Variants in POU6F2 observed in about 807,000 individuals in gnomAD.
The protein encoded by POU6F2 is POU class 6 homeobox 2.
POU6F2 carries 31 observed loss-of-function variants against 71.3 expected under a neutral mutation model. That is an observed-to-expected ratio of 0.43 (90% CI 0.33 to 0.59). POU6F2 has a LOEUF of 0.59. Ranked by LOEUF, POU6F2 falls within the 20% of genes least tolerant of loss-of-function variation. The pLI is 0.04. For synonymous variants in POU6F2, 347 were observed against 355.7 expected (o/e 0.98, Z 0.27); for missense variants, 783 against 856.8 (o/e 0.91, Z 1.07).
At chr7:39,085,820 CT>C (rs748372913) in intron 1 of POU6F2, 39 bp from the exon 2 acceptor site, 72 of 1,555,406 alleles carry the variant, frequency 4.6e-5, no homozygotes, top group East Asian at 1.2e-4. Flanking sequence ...AAATCTGCCA[CT>C]TTTTTTTTCC....
chr7:39,401,154 C>A (rs546974000), intron 5 of POU6F2, among the ~76,000 whole-genome samples: 1 of 152,322 alleles, frequency 6.6e-6, no homozygotes, highest in South Asian at 2.1e-4. Context: ...GGACTCCTTT[C>A]CACCTGGCTG....
intron 2 of POU6F2, among the ~76,000 whole-genome samples, chr7:39,197,895 G>A (rs957022754): frequency 2.6e-5 from 4 of 152,226 alleles, no homozygotes; most frequent in Admixed American, 2.0e-4. Context: ...ATGAAGGCCT[G>A]GAGCTGGCCT....
At chr7:39,354,226 G>A (rs545878643) in intron 5 of POU6F2, among the ~76,000 whole-genome samples, 2 of 152,344 alleles carry the variant, frequency 1.3e-5, no homozygotes, top group African/African-American at 4.8e-5. Flanking sequence ...AATCTCAGCC[G>A]GGCGGGCCTG....
At chr7:39,388,000 C>T (rs1206633400) in intron 5 of POU6F2, among the ~76,000 whole-genome samples, 1 of 152,214 alleles carries the variant, frequency 6.6e-6, no homozygotes, top group Non-Finnish European at 1.5e-5. Flanking sequence ...TAAAGGGACA[C>T]CAGCATCAGT....
chr7:39,312,534 A>G (rs1404823143), intron 4 of POU6F2, among the ~76,000 whole-genome samples: 1 of 152,234 alleles, frequency 6.6e-6, no homozygotes, highest in African/African-American at 2.4e-5. Flanking sequence ...TGTGGGGAAC[A>G]CATTCCAAGA....
intron 4 of POU6F2, among the ~76,000 whole-genome samples, chr7:39,304,467 G>A (rs895127938): frequency 2.0e-5 from 3 of 152,116 alleles, no homozygotes; most frequent in African/African-American, 4.8e-5. Flanking sequence ...ACAGAAGTAT[G>A]TGTATCACAA....
rs377640992 is a variant in POU6F2, at chr7:38,995,706, T to A, written c.105+17648T>A. On this transcript the variant is annotated intron_variant, in intron 1 of 9. Transcript: ENST00000518318. ...CATCACCTTTTATAGCTTTTATACC[T>A]TGCACAACTTAGCTCCTCTGTGTTT... Among the ~76,000 whole-genome samples, 23 of 152,302 alleles carry A rather than the reference T, an allele frequency of 1.5e-4. No homozygotes were observed. In the East Asian group the frequency reaches 3.9e-3, roughly 26 times the overall value.
At position 39,114,265 on chromosome 7, in the gene POU6F2, T is replaced by G. The variant is rs139948622; in HGVS notation, c.277+28234T>G. 7.0e-3 allele frequency among the ~76,000 whole-genome samples: 1,062 copies of G among 152,312 alleles called. 27 individuals are homozygous for G. Among genetic ancestry groups the G allele is most frequent in the Admixed American group, 0.039 (602 of 15,290 alleles). ...GTAGTCATGATCATCACTTTTCAAC[T>G]GATAGTAAAAATCTTATCCATCTCA... is the stretch of plus-strand genomic sequence containing the variant. On this transcript the variant is annotated intron_variant, in intron 2 of 9. Transcript: ENST00000518318.
intron 4 of POU6F2, among the ~76,000 whole-genome samples, chr7:39,285,965 G>T (rs374900415): frequency 2.6e-5 from 4 of 152,214 alleles, no homozygotes; most frequent in Non-Finnish European, 5.9e-5. Context: ...ACGTTGATTC[G>T]CAATAAATGC....
intron 1 of POU6F2, among the ~76,000 whole-genome samples, chr7:39,076,666 T>C (rs1487692508): frequency 6.6e-6 from 1 of 152,124 alleles, no homozygotes; most frequent in African/African-American, 2.4e-5. Context: ...AGACTCCATG[T>C]AAAATAGATG....
chr7:39,401,879 T>A (rs1787312288), intron 5 of POU6F2, among the ~76,000 whole-genome samples: 1 of 152,190 alleles, frequency 6.6e-6, no homozygotes, highest in Admixed American at 6.5e-5. Flanking sequence ...GAACTATAGA[T>A]CATGGGCAAT....
chr7:39,417,181 G>A (rs1331300745), intron 6 of POU6F2, among the ~76,000 whole-genome samples: 1 of 152,184 alleles, frequency 6.6e-6, no homozygotes, highest in Non-Finnish European at 1.5e-5. Flanking sequence ...ATTCACATGT[G>A]AGCGACATTA....
intron 5 of POU6F2, among the ~76,000 whole-genome samples, chr7:39,390,594 GA>G (rs1787048005): frequency 6.6e-6 from 1 of 152,266 alleles, no homozygotes; most frequent in South Asian, 2.1e-4. Flanking sequence ...TCTAGGTTTG[GA>G]AGATAGAGTC....
chr7:39,298,746 G>A (rs1784898780), intron 4 of POU6F2, among the ~76,000 whole-genome samples: 1 of 152,094 alleles, frequency 6.6e-6, no homozygotes, highest in African/African-American at 2.4e-5. Flanking sequence ...CAAAGACATG[G>A]AACCAACCCA....
At chr7:39,288,414 T>C (rs1274461431) in intron 4 of POU6F2, among the ~76,000 whole-genome samples, 2 of 152,178 alleles carry the variant, frequency 1.3e-5, no homozygotes, top group Admixed American at 6.5e-5. Flanking sequence ...TAAACTAATA[T>C]AGAGCTTCTA....
intron 4 of POU6F2, among the ~76,000 whole-genome samples, chr7:39,251,416 C>T (rs1783912565): frequency 6.6e-6 from 1 of 152,084 alleles, no homozygotes; most frequent in Admixed American, 6.5e-5. Context: ...CACTTGTGAG[C>T]CTAAGCTTGG....
At chr7:39,214,709 G>A (rs1201590165) in intron 4 of POU6F2, among the ~76,000 whole-genome samples, 1 of 152,178 alleles carries the variant, frequency 6.6e-6, no homozygotes, top group Non-Finnish European at 1.5e-5. Context: ...GAATTTTAAA[G>A]ACTAAGAGTC....
intron 4 of POU6F2, among the ~76,000 whole-genome samples, chr7:39,234,804 A>AT (rs1247787373): frequency 6.6e-6 from 1 of 152,198 alleles, no homozygotes; most frequent in African/African-American, 2.4e-5. Context: ...CAATAGTACC[A>AT]TTGTTCCATT....
At chr7:39,335,463 G>A (rs1333966395) in intron 4 of POU6F2, among the ~76,000 whole-genome samples, 2 of 152,136 alleles carry the variant, frequency 1.3e-5, no homozygotes, top group African/African-American at 2.4e-5. Flanking sequence ...GCACAGCCAC[G>A]GAGCGCATCT....
Sources: allele counts gnomAD v4.1 joint callset (sites outside exome capture counted in the v4.1 genomes callset), GRCh38; gene constraint gnomAD v4.1.1; transcripts MANE v1.5; gene names NCBI Gene and HGNC (gene_info 2026-07-23, HGNC 2026-07-21).